The following CADM2 variants were observed in gnomAD, a reference collection of about 807,000 sequenced individuals.
CADM2 encodes immunoglobulin superfamily member 4D.
Under a neutral mutation model 49.8 loss-of-function variants are expected in CADM2, and 12 were observed. The ratio of observed to expected loss-of-function variants is 0.24; its 90% CI spans 0.15 to 0.39. CADM2 has a LOEUF of 0.39. Ranked by LOEUF, CADM2 falls within the 10% of genes least tolerant of loss-of-function variation. The pLI, the probability that CADM2 is intolerant of heterozygous loss-of-function variation, is 1.00. For synonymous variants in CADM2, 214 were observed against 175.4 expected, an observed-to-expected ratio of 1.22 and a Z score of -1.74; for missense variants, 378 against 492.3, an observed-to-expected ratio of 0.77 and a Z score of 2.20.
At chr3:85,438,690 T>C (rs1236089937) in intron 1 of CADM2, among the ~76,000 whole-genome samples, 1 of 152,084 alleles carries the variant, frequency 6.6e-6, no homozygotes, top group Non-Finnish European at 1.5e-5. Context: ...CTTTCTTTTT[T>C]GAGACAGGGT....
At chr3:85,225,567 C>CT (rs751982856) in intron 1 of CADM2, among the ~76,000 whole-genome samples, 3 of 152,142 alleles carry the variant, frequency 2.0e-5, no homozygotes, top group Non-Finnish European at 2.9e-5. Flanking sequence ...ATTTGACTTC[C>CT]TCTTTTCCCA....
chr3:86,035,400 T>C (rs1201622472), intron 8 of CADM2, among the ~76,000 whole-genome samples: 2 of 152,088 alleles, frequency 1.3e-5, no homozygotes, highest in Admixed American at 6.6e-5. Flanking sequence ...CTGTTCATCA[T>C]CTAATGGTAA....
Position 86,069,106 on chromosome 3 carries a change from C to A in CADM2, c.*2323C>A, listed in dbSNP as rs1325828972. ...AAAGCCTAATTTCAGGATGCACTTA[C>A]AAAATTGCTACTCTTCATCGATGCC... On this transcript the variant is annotated 3_prime_UTR_variant, in exon 10 of 10. Transcript: ENST00000383699. The A allele has an allele frequency of 2.6e-5, 4 of 151,946 alleles. No homozygotes were observed. The highest frequency in any genetic ancestry group is 9.7e-5 in the African/African-American group (4 of 41,426). 9.4% of individuals were successfully genotyped at this position (151,946 alleles called of 1,614,324 possible).
intron 7 of CADM2, among the ~76,000 whole-genome samples, chr3:85,941,285 T>C (rs1037349739): frequency 2.0e-5 from 3 of 152,088 alleles, no homozygotes; most frequent in Non-Finnish European, 4.4e-5. Flanking sequence ...ATGCTAATAT[T>C]AGGCTATTAT....
At chr3:85,583,569 TTGAAACTA>T (rs1559925888) in intron 1 of CADM2, among the ~76,000 whole-genome samples, 1 of 152,154 alleles carries the variant, frequency 6.6e-6, no homozygotes, top group Non-Finnish European at 1.5e-5. Context: ...TTCTAGATGG[TTGAAACTA>T]AACTTTTAAA....
chr3:85,132,437 G>A (rs547639594), intron 1 of CADM2, among the ~76,000 whole-genome samples: 1 of 152,276 alleles, frequency 6.6e-6, no homozygotes, highest in Admixed American at 6.5e-5. Context: ...CACCTGGCAG[G>A]CAAGAGTTGG....
At chr3:85,828,609 G>T (rs2074034295) in intron 3 of CADM2, among the ~76,000 whole-genome samples, 1 of 151,822 alleles carries the variant, frequency 6.6e-6, no homozygotes, top group Non-Finnish European at 1.5e-5. Context: ...TGCCTCTCCT[G>T]TTTTCATTTA....
At chr3:85,567,942 G>A (rs1226639930) in intron 1 of CADM2, among the ~76,000 whole-genome samples, 1 of 152,174 alleles carries the variant, frequency 6.6e-6, no homozygotes, top group Non-Finnish European at 1.5e-5. Flanking sequence ...GGAGAAGGGA[G>A]GCCCCGCTCT....
At chr3:85,528,587 G>A (rs2061226241) in intron 1 of CADM2, among the ~76,000 whole-genome samples, 1 of 152,176 alleles carries the variant, frequency 6.6e-6, no homozygotes, top group South Asian at 2.1e-4. Flanking sequence ...TAGCTACACT[G>A]ATAAGTCTGG....
At chr3:85,960,525 C>G (rs1724681340) in intron 7 of CADM2, among the ~76,000 whole-genome samples, 1 of 151,814 alleles carries the variant, frequency 6.6e-6, no homozygotes, top group South Asian at 2.1e-4. Context: ...CATCTATATT[C>G]TTATATGCAG....
intron 1 of CADM2, among the ~76,000 whole-genome samples, chr3:85,589,901 A>C (rs1222792462): frequency 5.3e-5 from 8 of 152,032 alleles, no homozygotes. Context: ...AAATAAACTT[A>C]TTAGATTTAA....
intron 1 of CADM2, among the ~76,000 whole-genome samples, chr3:85,297,152 A>G (rs1044526300): frequency 2.0e-5 from 3 of 151,908 alleles, no homozygotes; most frequent in African/African-American, 7.3e-5. Context: ...ATAGACTAGC[A>G]TGTGCACTTT....
chr3:85,434,578 T>C (rs2036839866), intron 1 of CADM2, among the ~76,000 whole-genome samples: 1 of 152,148 alleles, frequency 6.6e-6, no homozygotes, highest in South Asian at 2.1e-4. Context: ...ATGACGATTA[T>C]TGACTGCCCA....
chr3:85,678,840 A>G (rs370789230), intron 1 of CADM2, among the ~76,000 whole-genome samples: 1 of 152,160 alleles, frequency 6.6e-6, no homozygotes, highest in African/African-American at 2.4e-5. Flanking sequence ...TTTGTTCCCT[A>G]GCTGACATTT....
chr3:85,144,484 T>C (rs1438945525), intron 1 of CADM2, among the ~76,000 whole-genome samples: 1 of 151,878 alleles, frequency 6.6e-6, no homozygotes, highest in Non-Finnish European at 1.5e-5. Flanking sequence ...TGGTGGCATA[T>C]GCCTGTAATT....
At chr3:85,263,489 C>T (rs1165932500) in intron 1 of CADM2, among the ~76,000 whole-genome samples, 3 of 151,982 alleles carry the variant, frequency 2.0e-5, no homozygotes, top group South Asian at 2.1e-4. Flanking sequence ...TAACTGGTAA[C>T]CATAATCTTT....
In CADM2 at chr3:85,961,383, TA is replaced by T. The variant is rs1724801132; in HGVS notation, c.792-83del. The T allele has an allele frequency of 1.1e-4, 129 of 1,170,510 alleles. No homozygotes were observed. The South Asian group carries it at 2.1e-3, about 19-fold the overall frequency. 72.5% of individuals were successfully genotyped at this position (1,170,510 alleles called of 1,614,324 possible). On this transcript the variant is annotated intron_variant, in intron 7 of 9. Transcript: ENST00000383699. ...ATATGGTTGTGTACAAAATACATGT[TA>T]AATATTAAAAAATTGATTTACTAAA...
chr3:85,772,453 TC>T (rs1296335214), intron 2 of CADM2, among the ~76,000 whole-genome samples: 3 of 152,038 alleles, frequency 2.0e-5, no homozygotes, highest in African/African-American at 7.2e-5. Context: ...ATATCTAAGT[TC>T]TTGAATATAA....
intron 1 of CADM2, among the ~76,000 whole-genome samples, chr3:85,715,245 C>G (rs1029308803): frequency 2.0e-5 from 3 of 152,112 alleles, no homozygotes; most frequent in Non-Finnish European, 2.9e-5. Context: ...ACAGTCATGA[C>G]AATGAGACCT....
Sources: gnomAD v4.1 joint callset for allele counts (sites outside exome capture counted in the v4.1 genomes callset) on GRCh38, gnomAD v4.1.1 for gene constraint, MANE v1.5 for transcripts, NCBI Gene and HGNC (gene_info 2026-07-23, HGNC 2026-07-21) for gene names.